The following TIAM2 variants were observed in gnomAD, a reference collection of about 807,000 sequenced individuals.
The protein encoded by TIAM2 is rho guanine nucleotide exchange factor TIAM2.
A neutral mutation model predicts 152.9 loss-of-function variants in TIAM2; 80 were observed. That is an observed-to-expected ratio of 0.52 (90% CI 0.44 to 0.63). The LOEUF (loss-of-function observed/expected upper bound fraction) is 0.63. Among genes scored for constraint, TIAM2 ranks in the 30% least tolerant of loss-of-function variants. The probability of loss-of-function intolerance (pLI) is 0.00; values close to 1 mark genes in which losing one functional copy is unlikely to be tolerated. For synonymous variants in TIAM2, 804 were observed against 838.0 expected (o/e 0.96, Z 0.70); for missense variants, 1,965 against 2,120.1 (o/e 0.93, Z 1.44).
At chr6:155,009,184 C>T (rs763679847) in intron 1 of TIAM2, among the ~76,000 whole-genome samples, 1 of 149,932 alleles carries the variant, frequency 6.7e-6, no homozygotes, top group African/African-American at 2.5e-5. Flanking sequence ...TCACTGCAGC[C>T]TCCACCTCCA....
intron 15 of TIAM2, among the ~76,000 whole-genome samples, chr6:155,212,030 T>C (rs1781734160): frequency 6.6e-6 from 1 of 152,362 alleles, no homozygotes; most frequent in East Asian, 1.9e-4. Context: ...ATCCAGGTTG[T>C]GGCATGTGTC....
At chr6:155,063,882 A>C (rs553265794) in intron 1 of TIAM2, among the ~76,000 whole-genome samples, 2 of 151,952 alleles carry the variant, frequency 1.3e-5, no homozygotes, top group South Asian at 4.2e-4. Flanking sequence ...GTGCATGTGG[A>C]TGTAAGATAG....
At chr6:155,041,806 C>G (rs1015173930) in intron 1 of TIAM2, among the ~76,000 whole-genome samples, 1 of 152,238 alleles carries the variant, frequency 6.6e-6, no homozygotes, top group African/African-American at 2.4e-5. Context: ...GTTCGCGTTG[C>G]CAGTGCGATG....
intron 15 of TIAM2, chr6:155,216,841 C>A: frequency 9.1e-7 from 1 of 1,099,464 alleles, no homozygotes; most frequent in Non-Finnish European, 1.1e-6. Context: ...AGGCTCCCGG[C>A]ATGGGTGGAA....
intron 1 of TIAM2, among the ~76,000 whole-genome samples, chr6:155,015,966 A>AC (rs1445601070): frequency 6.6e-6 from 1 of 151,240 alleles, no homozygotes; most frequent in Non-Finnish European, 1.5e-5. Flanking sequence ...AAAAAAAAAA[A>AC]AAAAAAACTC....
intron 1 of TIAM2, among the ~76,000 whole-genome samples, chr6:155,030,565 G>A (rs1006082105): frequency 6.6e-6 from 1 of 152,150 alleles, no homozygotes; most frequent in East Asian, 1.9e-4. Context: ...CACTGCTCAA[G>A]GGGTGTCTGC....
At chr6:155,216,801 G>C (rs1161435222) in intron 15 of TIAM2, 1 of 740,288 alleles carries the variant, frequency 1.4e-6, no homozygotes. Context: ...CTCCACGTCT[G>C]TGGTAACCCG....
At chr6:155,206,179 G>A (rs1196093454) in intron 14 of TIAM2, among the ~76,000 whole-genome samples, 1 of 152,218 alleles carries the variant, frequency 6.6e-6, no homozygotes, top group Non-Finnish European at 1.5e-5. Flanking sequence ...GCTATAGGCT[G>A]TGCGGAAGTG....
rs189592882 is a variant in TIAM2 at position 155,172,036 on chromosome 6, C to T, written c.2362-4780C>T. Among the ~76,000 whole-genome samples the T allele has an allele frequency of 4.3e-3, 657 of 152,286 alleles. 10 individuals are homozygous for T. Among genetic ancestry groups the T allele is most frequent in the African/African-American group, 0.015 (624 of 41,538 alleles). On this transcript the variant is annotated intron_variant, in intron 9 of 26. Coordinates refer to ENST00000682666, the MANE Select transcript of TIAM2 (RefSeq NM_012454.4). The stretch of plus-strand genomic sequence containing the variant: ...CAAAAGCATCTGCTGTGAGAACACA[C>T]GGAGTTTCAATTTTTTCTCCTTGCT...
At chr6:155,035,612 CTG>C (rs1776908807) in intron 1 of TIAM2, among the ~76,000 whole-genome samples, 1 of 152,174 alleles carries the variant, frequency 6.6e-6, no homozygotes, top group Non-Finnish European at 1.5e-5. Flanking sequence ...ATCATTGAAA[CTG>C]TAAGGTCTAA....
intron 14 of TIAM2, among the ~76,000 whole-genome samples, chr6:155,185,811 G>A (rs1453003576): frequency 6.6e-6 from 1 of 152,110 alleles, no homozygotes; most frequent in African/African-American, 2.4e-5. Context: ...AGTCTCCCAG[G>A]CAGCGCCCCG....
At chr6:155,060,819 CAGG>C (rs1179790319) in intron 1 of TIAM2, among the ~76,000 whole-genome samples, 1 of 152,000 alleles carries the variant, frequency 6.6e-6, no homozygotes, top group Non-Finnish European at 1.5e-5. Context: ...CACTTGATCC[CAGG>C]AGGAGGAGGT....
intron 1 of TIAM2, among the ~76,000 whole-genome samples, chr6:155,028,310 CTG>C (rs1425164021): frequency 3.7e-5 from 4 of 106,864 alleles, no homozygotes; most frequent in East Asian, 4.7e-4. Flanking sequence ...CATATATGTA[CTG>C]TGTTACATAT....
In TIAM2 at chr6:155,213,695, G is replaced by A. The variant is rs928304399; in HGVS notation, c.3168+2388G>A. Among the ~76,000 whole-genome samples the A allele has an allele frequency of 1.3e-5, 2 of 152,272 alleles. No individual in the cohort carries two copies. The highest frequency in any genetic ancestry group is 2.1e-4 in the South Asian group (1 of 4,826). The stretch of plus-strand genomic sequence containing the variant: ...TGTCTGCGTCCTGCCACTCTTCCTG[G>A]TGCCCAGGCTGTTTGTGCCAAAGGG... On this transcript the variant is annotated intron_variant, in intron 15 of 26. Transcript: ENST00000682666. The surrounding 1 kb of genome is among the most constrained non-coding windows in gnomAD (Gnocchi z 4.2).
intron 2 of TIAM2, among the ~76,000 whole-genome samples, chr6:155,119,765 C>G (rs1779109632): frequency 6.6e-6 from 1 of 152,170 alleles, no homozygotes; most frequent in South Asian, 2.1e-4. Flanking sequence ...TAAAACATTT[C>G]TTTTTTAATC....
At chr6:155,003,810 G>A (rs1199466902) in intron 1 of TIAM2, among the ~76,000 whole-genome samples, 2 of 152,168 alleles carry the variant, frequency 1.3e-5, no homozygotes, top group African/African-American at 2.4e-5. Context: ...GTGAAACCCT[G>A]TCTATACTAA....
At chr6:155,101,598 C>T (rs977503714) in intron 2 of TIAM2, among the ~76,000 whole-genome samples, 1 of 152,282 alleles carries the variant, frequency 6.6e-6, no homozygotes, top group South Asian at 2.1e-4. Context: ...CTGTCAGAAG[C>T]ATTCTGTGTT....
intron 1 of TIAM2, among the ~76,000 whole-genome samples, chr6:155,074,251 T>C (rs188792758): frequency 9.3e-4 from 142 of 152,360 alleles, no homozygotes; most frequent in African/African-American, 3.3e-3. Flanking sequence ...TCTAAAGTTT[T>C]CCTTTGTAAA....
intron 19 of TIAM2, among the ~76,000 whole-genome samples, chr6:155,246,212 C>T (rs111637829): frequency 1.5e-3 from 231 of 152,210 alleles, no homozygotes; most frequent in African/African-American, 5.1e-3. Flanking sequence ...GGTTGCTCTT[C>T]GGTGTTTCTC....
Sources: gnomAD v4.1 joint callset for allele counts (sites outside exome capture counted in the v4.1 genomes callset) on GRCh38, gnomAD v4.1.1 for gene constraint, Gnocchi (gnomAD v3.1) non-coding constraint, MANE v1.5 for transcripts, NCBI Gene and HGNC (gene_info 2026-07-23, HGNC 2026-07-21) for gene names.